Variants in ANXA4 observed in about 807,000 individuals in gnomAD.
The protein encoded by ANXA4 is annexin A4.
In ANXA4, 39 loss-of-function variants were observed where a neutral mutation model predicts 49.8. The ratio of observed to expected loss-of-function variants is 0.78; its 90% CI spans 0.61 to 1.02. ANXA4 has a LOEUF of 1.02. Among genes scored for constraint, ANXA4 ranks in the 50% least tolerant of loss-of-function variants. ANXA4 has a pLI of 0.00. For missense variants in ANXA4, 360 were observed against 410.1 expected, an observed-to-expected ratio of 0.88 and a Z score of 1.05; for synonymous variants, 134 against 152.5, an observed-to-expected ratio of 0.88 and a Z score of 0.89.
At chr2:69,722,242 G>A (rs932220684) in intron 3 of ANXA4, among the ~76,000 whole-genome samples, 1 of 152,182 alleles carries the variant, frequency 6.6e-6, no homozygotes, top group Non-Finnish European at 1.5e-5. Flanking sequence ...ATTGGAAGTA[G>A]CAGTGATGTA....
chr2:69,773,621 CTTTTTTTTTTTT>C (rs67161210), intron 1 of ANXA4, among the ~76,000 whole-genome samples: 8 of 93,056 alleles, frequency 8.6e-5, no homozygotes, highest in African/African-American at 3.1e-4. Flanking sequence ...TTCTTTCCTT[CTTTTTTTTTTTT>C]TTTTTTTTTT....
intron 1 of ANXA4, among the ~76,000 whole-genome samples, chr2:69,757,548 C>T (rs1017991963): frequency 6.6e-6 from 1 of 150,442 alleles, no homozygotes; most frequent in African/African-American, 2.4e-5. Context: ...TCTGGGGTTA[C>T]AGGTGTGAGC....
intron 5 of ANXA4, among the ~76,000 whole-genome samples, chr2:69,807,297 C>T (rs975061923): frequency 1.3e-5 from 2 of 152,094 alleles, no homozygotes; most frequent in African/African-American, 4.8e-5. Context: ...CTTTAGGGGC[C>T]TCCAGGTCTA....
Position 69,808,012 on chromosome 2 carries a change from A to C in ANXA4, c.397+16A>C. 6.2e-7 allele frequency: 1 copy of C among 1,612,870 alleles called. No individual in the cohort carries two copies. Among genetic ancestry groups the C allele is most frequent in the Non-Finnish European group, 8.5e-7 (1 of 1,178,934 alleles). On this transcript the variant is annotated intron_variant, in intron 6 of 12. Coordinates refer to ENST00000394295, the MANE Select transcript of ANXA4 (RefSeq NM_001153.5). ...TACCAGCAGCGTACGTGACATCCGCAGTGGCCCTGGCTGAGGTTTCGCTGT... is the reference window on the plus strand; with the variant it reads ...TACCAGCAGCGTACGTGACATCCGCCGTGGCCCTGGCTGAGGTTTCGCTGT...
At chr2:69,680,915 T>C (rs1328107673) in intron 2 of ANXA4, among the ~76,000 whole-genome samples, 1 of 152,190 alleles carries the variant, frequency 6.6e-6, no homozygotes, top group Admixed American at 6.5e-5. Context: ...TAGTATTTCA[T>C]TGAGGATTTT....
chr2:69,676,789 A>C (rs1677428205), intron 2 of ANXA4, among the ~76,000 whole-genome samples: 1 of 152,124 alleles, frequency 6.6e-6, no homozygotes, highest in Admixed American at 6.6e-5. Flanking sequence ...GCTACTAGGG[A>C]GGCTGAGGCA....
At chr2:69,782,837 T>G (rs1466836044) in intron 2 of ANXA4, among the ~76,000 whole-genome samples, 6 of 152,200 alleles carry the variant, frequency 3.9e-5, no homozygotes, top group Non-Finnish European at 8.8e-5. Context: ...ATTACCTCAG[T>G]TGCTCTCATC....
intron 3 of ANXA4, among the ~76,000 whole-genome samples, chr2:69,791,506 C>A (rs1275194091): frequency 1.3e-5 from 2 of 152,146 alleles, no homozygotes; most frequent in African/African-American, 4.8e-5. Context: ...CCAAACTTTG[C>A]CTATAGTAGT....
chr2:69,670,277 TA>T (rs1312870650), intron 2 of ANXA4, among the ~76,000 whole-genome samples: 1 of 151,704 alleles, frequency 6.6e-6, no homozygotes, highest in Non-Finnish European at 1.5e-5. Flanking sequence ...CCATCTCTAC[TA>T]AAAACACATA....
At chr2:69,818,739 C>T in intron 10 of ANXA4, 45 bp downstream of exon 10, 2 of 1,321,160 alleles carry the variant, frequency 1.5e-6, no homozygotes, top group Non-Finnish European at 2.1e-6. Flanking sequence ...TATAGATTTT[C>T]CTTCTCATTA....
At chr2:69,772,859 A>G (rs1573229308) in intron 1 of ANXA4, among the ~76,000 whole-genome samples, 1 of 152,100 alleles carries the variant, frequency 6.6e-6, no homozygotes, top group Non-Finnish European at 1.5e-5. Flanking sequence ...TCTACTAAAA[A>G]TACAAAAATT....
At chr2:69,783,944 TG>T (rs1468399389) in intron 2 of ANXA4, among the ~76,000 whole-genome samples, 2 of 152,262 alleles carry the variant, frequency 1.3e-5, no homozygotes. Context: ...TCAGTAGTTT[TG>T]TTCCTCCATT....
chr2:69,670,389 G>C (rs951744721), intron 2 of ANXA4, among the ~76,000 whole-genome samples: 1 of 144,538 alleles, frequency 6.9e-6, no homozygotes, highest in Non-Finnish European at 1.5e-5. Flanking sequence ...GCAGTGAGCT[G>C]AGATCGCACC....
chr2:69,757,268 T>A (rs1190385673), intron 1 of ANXA4, among the ~76,000 whole-genome samples: 141 of 23,930 alleles, frequency 5.9e-3, no homozygotes, highest in African/African-American at 0.015. Flanking sequence ...ATATATATAT[T>A]TTTTTTTTTT....
intron 1 of ANXA4, among the ~76,000 whole-genome samples, chr2:69,776,106 C>G (rs1671954815): frequency 6.6e-6 from 1 of 152,012 alleles, no homozygotes; most frequent in Non-Finnish European, 1.5e-5. Context: ...TCCTGAGTAG[C>G]TGGGATTACA....
At chr2:69,820,499 A>C (rs1309522493) in intron 11 of ANXA4, among the ~76,000 whole-genome samples, 200 bp from the exon 12 acceptor site, 1 of 152,120 alleles carries the variant, frequency 6.6e-6, no homozygotes, top group African/African-American at 2.4e-5. Context: ...CTGTGGTCAG[A>C]ACATAGAGCA....
At chr2:69,722,252 A>C (rs1669833712) in intron 3 of ANXA4, among the ~76,000 whole-genome samples, 1 of 152,210 alleles carries the variant, frequency 6.6e-6, no homozygotes, top group African/African-American at 2.4e-5. Context: ...GCAGTGATGT[A>C]AAGACATAAT....
chr2:69,790,353 C>T (rs1027959256), intron 3 of ANXA4, among the ~76,000 whole-genome samples: 2 of 151,924 alleles, frequency 1.3e-5, no homozygotes, highest in Admixed American at 1.3e-4. Context: ...TAGGGCTCCT[C>T]CTGGGGTTGA....
chr2:69,816,536 G>C (rs892668515), intron 9 of ANXA4: 6 of 193,280 alleles, frequency 3.1e-5, no homozygotes, highest in Non-Finnish European at 6.5e-5. Flanking sequence ...TAGTAGATCA[G>C]GTAGCAATAA....
Sources: gnomAD v4.1 joint callset for allele counts (sites outside exome capture counted in the v4.1 genomes callset) on GRCh38, gnomAD v4.1.1 for gene constraint, MANE v1.5 for transcripts, NCBI Gene and HGNC (gene_info 2026-07-23, HGNC 2026-07-21) for gene names.